NRG3: variants seen among roughly 807,000 people sequenced by gnomAD.
The protein encoded by NRG3 is neuregulin 3, also known as pro-neuregulin-3, membrane-bound isoform.
Under a neutral mutation model 66.9 loss-of-function variants are expected in NRG3, and 31 were observed. The ratio of observed to expected loss-of-function variants is 0.46; its 90% confidence interval spans 0.35 to 0.63. The LOEUF is 0.63. Among genes scored for constraint, NRG3 ranks in the 20% least tolerant of loss-of-function variants. The pLI, the probability that NRG3 is intolerant of heterozygous loss-of-function variation, is 0.00. For synonymous variants in NRG3, 393 were observed against 359.4 expected, an observed-to-expected ratio of 1.09 and a Z score of -1.06; for missense variants, 910 against 878.9, an observed-to-expected ratio of 1.04 and a Z score of -0.45.
intron 7 of NRG3, among the ~76,000 whole-genome samples, chr10:82,975,351 G>A (rs1354577964): frequency 6.6e-6 from 1 of 152,122 alleles, no homozygotes; most frequent in African/African-American, 2.4e-5. Flanking sequence ...TGTCATAAAT[G>A]TTTTAAAATT....
intron 2 of NRG3, among the ~76,000 whole-genome samples, chr10:82,549,433 C>A (rs1355065523): frequency 6.6e-6 from 1 of 152,096 alleles, no homozygotes; most frequent in Non-Finnish European, 1.5e-5. Context: ...TGGGTCTGCA[C>A]AGGGAGGTGG....
chr10:82,484,383 T>C (rs1842518249), intron 2 of NRG3, among the ~76,000 whole-genome samples: 1 of 152,252 alleles, frequency 6.6e-6, no homozygotes. Context: ...GAGATTATAA[T>C]AGCTTTGTCC....
At chr10:82,664,435 A>G (rs1275726156) in intron 2 of NRG3, among the ~76,000 whole-genome samples, 1 of 152,006 alleles carries the variant, frequency 6.6e-6, no homozygotes, top group Non-Finnish European at 1.5e-5. Context: ...GCTAATGAAG[A>G]TTTTCTTTTA....
At chr10:82,438,303 GT>G (rs946639389) in intron 2 of NRG3, among the ~76,000 whole-genome samples, 3 of 152,252 alleles carry the variant, frequency 2.0e-5, no homozygotes, top group African/African-American at 7.2e-5. Context: ...ATGGGTCAGG[GT>G]TAGGCCTGAA....
chr10:81,956,896 C>A (rs989847522), intron 1 of NRG3, among the ~76,000 whole-genome samples: 1 of 152,140 alleles, frequency 6.6e-6, no homozygotes, highest in African/African-American at 2.4e-5. Flanking sequence ...TCCAGACTCA[C>A]AATACTCAAG....
intron 1 of NRG3, chr10:82,230,074 A>T (rs962157863): frequency 1.3e-5 from 2 of 152,212 alleles, no homozygotes; most frequent in Non-Finnish European, 2.9e-5. Context: ...GAGAAAAAAA[A>T]TGTTTAAAGT....
At chr10:82,347,585 G>A (rs2083114387) in intron 1 of NRG3, among the ~76,000 whole-genome samples, 2 of 151,866 alleles carry the variant, frequency 1.3e-5, no homozygotes, top group South Asian at 2.1e-4. Context: ...TATTAGGTCT[G>A]CTTGGTGCAG....
At chr10:82,820,075 A>G (rs2061882213) in intron 3 of NRG3, among the ~76,000 whole-genome samples, 1 of 152,216 alleles carries the variant, frequency 6.6e-6, no homozygotes. Flanking sequence ...CGAGAGCAAC[A>G]AAGTGAGTGA....
chr10:82,506,770 T>C (rs1027297852), intron 2 of NRG3, among the ~76,000 whole-genome samples: 1 of 152,190 alleles, frequency 6.6e-6, no homozygotes, highest in Non-Finnish European at 1.5e-5. Flanking sequence ...AGGAAATGTA[T>C]CCAGAATGAA....
At chr10:82,965,129 T>A (rs1218648395) in intron 6 of NRG3, among the ~76,000 whole-genome samples, 1 of 152,160 alleles carries the variant, frequency 6.6e-6, no homozygotes, top group Non-Finnish European at 1.5e-5. Context: ...CAAAAAACAC[T>A]TGAGCTAATG....
chr10:82,392,009 AAC>A (rs1491513412), intron 2 of NRG3, among the ~76,000 whole-genome samples: 3,018 of 139,338 alleles, frequency 0.022, 373 homozygotes, highest in African/African-American at 0.052. Flanking sequence ...AAAAAAAAAA[AAC>A]AAAAAAAAAA....
At chr10:82,301,109 T>C (rs1021306534) in intron 1 of NRG3, among the ~76,000 whole-genome samples, 4 of 152,222 alleles carry the variant, frequency 2.6e-5, no homozygotes, top group Non-Finnish European at 5.9e-5. Flanking sequence ...TATGTAATAT[T>C]TGTGCTGTGT....
intron 1 of NRG3, among the ~76,000 whole-genome samples, chr10:82,003,728 G>A (rs562986684): frequency 6.6e-6 from 1 of 152,312 alleles, no homozygotes; most frequent in Admixed American, 6.5e-5. Flanking sequence ...TGAAGCCAAA[G>A]TGGGAGTGAT....
intron 1 of NRG3, among the ~76,000 whole-genome samples, chr10:82,332,688 A>G (rs927134789): frequency 1.6e-4 from 25 of 152,138 alleles, no homozygotes; most frequent in African/African-American, 6.0e-4. Context: ...TCATCTCTCT[A>G]CTGGCATGAG....
At chr10:82,343,327 A>G (rs1197715878) in intron 1 of NRG3, among the ~76,000 whole-genome samples, 2 of 152,084 alleles carry the variant, frequency 1.3e-5, no homozygotes, top group Non-Finnish European at 1.5e-5. Flanking sequence ...AAAAAAATAC[A>G]TAGGCATACA....
At chr10:82,564,634 C>T (rs540030382) in intron 2 of NRG3, among the ~76,000 whole-genome samples, 2 of 152,202 alleles carry the variant, frequency 1.3e-5, no homozygotes, top group East Asian at 3.9e-4. Context: ...GACTCTAACA[C>T]TCTATCTTGT....
At position 82,535,583 on chromosome 10, in the gene NRG3, C is replaced by T. The variant is rs550156993; in HGVS notation, c.953+176715C>T. On this transcript the variant is annotated intron_variant, in intron 2 of 8. Coordinates refer to ENST00000372141, the MANE Select transcript of NRG3 (RefSeq NM_001010848.4). ...GCCGCTAGAGAAAAACTGCCTTTGT[C>T]GGGAAAGAAATGATAAAGGGCTGGA... Among the ~76,000 whole-genome samples the T allele has an allele frequency of 1.8e-4, 28 of 151,988 alleles. No homozygotes were observed. In the East Asian group the frequency reaches 2.3e-3, roughly 13 times the overall value.
intron 2 of NRG3, among the ~76,000 whole-genome samples, chr10:82,641,029 T>G (rs1356921604): frequency 1.4e-4 from 1 of 7,338 alleles, no homozygotes; most frequent in Admixed American, 7.8e-4. Context: ...TTTTTTTTTT[T>G]TTTTTTTTTT....
At chr10:82,340,929 A>T (rs1193714948) in intron 1 of NRG3, 1 of 152,124 alleles carries the variant, frequency 6.6e-6, no homozygotes, top group African/African-American at 2.4e-5. Context: ...ATTTTTTGAT[A>T]GCACAACAGG....
Sources: allele counts gnomAD v4.1 joint callset (sites outside exome capture counted in the v4.1 genomes callset), GRCh38; gene constraint gnomAD v4.1.1; transcripts MANE v1.5; gene names NCBI Gene and HGNC (gene_info 2026-07-23, HGNC 2026-07-21).